Variants in NDST4 observed in about 807,000 individuals in gnomAD.
NDST4 encodes the protein N-heparan sulfate sulfotransferase 4.
NDST4 carries 63 observed loss-of-function variants against 100.8 expected under a neutral mutation model. The observed-to-expected ratio is 0.62, with a 90% CI of 0.51 to 0.77. NDST4 has a LOEUF of 0.77. Ranked by LOEUF, NDST4 falls within the 30% of genes least tolerant of loss-of-function variation. The probability of loss-of-function intolerance (pLI) is 0.00; values close to 1 mark genes in which losing one functional copy is unlikely to be tolerated. For missense variants in NDST4, 943 were observed against 1,018.4 expected (o/e 0.93, Z 1.01); for synonymous variants, 377 against 361.8 (o/e 1.04, Z -0.48).
intron 6 of NDST4, among the ~76,000 whole-genome samples, chr4:114,874,558 T>C (rs997792071): frequency 3.3e-5 from 5 of 152,194 alleles, no homozygotes; most frequent in African/African-American, 4.8e-5. Flanking sequence ...ATATGGTCAA[T>C]TGGTTGCACT....
chr4:114,866,126 A>G (rs1724021073), intron 7 of NDST4, among the ~76,000 whole-genome samples: 1 of 152,252 alleles, frequency 6.6e-6, no homozygotes, highest in Admixed American at 6.5e-5. Flanking sequence ...GTGCTATTAC[A>G]GAACTCCTAT....
intron 7 of NDST4, among the ~76,000 whole-genome samples, chr4:114,863,763 T>C (rs527764368): frequency 5.3e-5 from 8 of 152,328 alleles, no homozygotes; most frequent in African/African-American, 1.7e-4. Context: ...ATGGTTTGTA[T>C]TTGTGGAATA....
At chr4:114,842,131 C>G (rs1331010417) in intron 10 of NDST4, among the ~76,000 whole-genome samples, 1 of 152,166 alleles carries the variant, frequency 6.6e-6, no homozygotes, top group East Asian at 1.9e-4. Context: ...ATCATAACTT[C>G]AAGATTACCA....
At chr4:114,932,499 A>T (rs928803986) in intron 6 of NDST4, among the ~76,000 whole-genome samples, 7 of 151,996 alleles carry the variant, frequency 4.6e-5, no homozygotes, top group Non-Finnish European at 1.0e-4. Flanking sequence ...TAGCCAGAGA[A>T]ACTGGGCAAG....
At chr4:115,041,174 G>A (rs555717572) in intron 2 of NDST4, among the ~76,000 whole-genome samples, 51 of 152,162 alleles carry the variant, frequency 3.4e-4, no homozygotes, top group African/African-American at 1.2e-3. Flanking sequence ...CAGACGTTAA[G>A]TGTCTCCTTA....
rs1729198476 is a variant in NDST4 at position 115,076,897 on chromosome 4, G to A, written c.140C>T (p.Thr47Ile). ...GATGTCAGTGCATTCTGCTTCTGCAGTGGTTTCAATAAGTGTCATTTCCTG... is the reference window on the plus strand; with the variant it reads ...GATGTCAGTGCATTCTGCTTCTGCAATGGTTTCAATAAGTGTCATTTCCTG... ...YKQEMTLIET[T>I]AEAECTDIKI... The change falls in exon 2 of 14, where the codon ACT becomes ATT. Residue 47 changes from threonine to isoleucine, a missense_variant. Coordinates refer to ENST00000264363, the MANE Select transcript of NDST4 (RefSeq NM_022569.3). 2 of 1,613,686 alleles carry A rather than the reference G, an allele frequency of 1.2e-6. No homozygotes were observed. The highest frequency in any genetic ancestry group is 2.7e-5 in the African/African-American group (2 of 74,932).
chr4:114,911,589 A>G (rs1725063208), intron 6 of NDST4, among the ~76,000 whole-genome samples: 1 of 152,202 alleles, frequency 6.6e-6, no homozygotes, highest in African/African-American at 2.4e-5. Context: ...TAAAAACTGT[A>G]GAACAACTGA....
chr4:114,833,073 A>G (rs527561491), intron 12 of NDST4, among the ~76,000 whole-genome samples: 3 of 152,366 alleles, frequency 2.0e-5, no homozygotes, highest in Middle Eastern at 3.4e-3. Flanking sequence ...TTCCATGAGC[A>G]TAATAAAATA....
intron 6 of NDST4, among the ~76,000 whole-genome samples, chr4:114,925,451 C>G (rs1397337404): frequency 6.6e-6 from 1 of 152,112 alleles, no homozygotes; most frequent in African/African-American, 2.4e-5. Flanking sequence ...TGCCTTTTCT[C>G]TAACCTGTCT....
Position 115,059,522 on chromosome 4 carries a change from G to C in NDST4, c.978+16537C>G, listed in dbSNP as rs191119167. 4.6e-5 allele frequency among the ~76,000 whole-genome samples: 7 copies of C among 152,076 alleles called. No homozygotes were observed. In the East Asian group the frequency reaches 1.4e-3, roughly 29 times the overall value. On this transcript the variant is annotated intron_variant, in intron 2 of 13. Transcript: ENST00000264363. ...GAGAATAAATACAGATGTGCACTAA[G>C]AACCTACATCTGGGAAAATCTCAAA... is the stretch of plus-strand genomic sequence containing the variant.
chr4:114,865,327 T>C (rs1239318040), intron 7 of NDST4, among the ~76,000 whole-genome samples: 1 of 152,130 alleles, frequency 6.6e-6, no homozygotes. Context: ...CCTCCCAAAG[T>C]GCCGGGATTA....
At chr4:115,039,076 C>A (rs949708048) in intron 2 of NDST4, among the ~76,000 whole-genome samples, 2 of 150,562 alleles carry the variant, frequency 1.3e-5, no homozygotes, top group Admixed American at 6.6e-5. Context: ...AACTGAAAAT[C>A]GTGGACTATA....
intron 1 of NDST4, 26 bp from the exon 2 acceptor site, chr4:115,077,308 C>A: frequency 4.7e-6 from 1 of 211,812 alleles, no homozygotes; most frequent in Non-Finnish European, 9.3e-6. Context: ...GATGTAATAA[C>A]TAAGATAAAA....
At chr4:114,850,462 A>G (rs1227448614) in intron 8 of NDST4, among the ~76,000 whole-genome samples, 14 of 152,164 alleles carry the variant, frequency 9.2e-5, no homozygotes, top group African/African-American at 3.4e-4. Flanking sequence ...ATCAGCCATA[A>G]AATCTGGGCC....
chr4:115,038,755 C>T (rs1039087974), intron 2 of NDST4, among the ~76,000 whole-genome samples: 2 of 152,072 alleles, frequency 1.3e-5, no homozygotes, highest in African/African-American at 4.8e-5. Flanking sequence ...GAAGGCAGAC[C>T]ACTTGAGTCC....
At chr4:115,080,918 A>T (rs1729288848) in intron 1 of NDST4, among the ~76,000 whole-genome samples, 1 of 152,174 alleles carries the variant, frequency 6.6e-6, no homozygotes, top group East Asian at 1.9e-4. Context: ...TTAGTATTTT[A>T]GGAATAAATT....
intron 6 of NDST4, among the ~76,000 whole-genome samples, chr4:114,902,180 G>A (rs1724855795): frequency 1.3e-5 from 2 of 151,712 alleles, no homozygotes; most frequent in African/African-American, 4.8e-5. Flanking sequence ...CTCAAATTAT[G>A]TTCATTTCTT....
intron 2 of NDST4, among the ~76,000 whole-genome samples, chr4:114,996,848 CATGTGTTCA>C (rs1727176421): frequency 6.6e-6 from 1 of 151,920 alleles, no homozygotes; most frequent in Non-Finnish European, 1.5e-5. Context: ...ATTTCTTTTT[CATGTGTTCA>C]TAGGTGGCCT....
intron 2 of NDST4, among the ~76,000 whole-genome samples, chr4:115,021,842 C>CAT: frequency 6.6e-6 from 1 of 151,202 alleles, no homozygotes; most frequent in Non-Finnish European, 1.5e-5. Flanking sequence ...ATACACATTC[C>CAT]ATATATATAC....
Sources: allele counts gnomAD v4.1 joint callset (sites outside exome capture counted in the v4.1 genomes callset), GRCh38; gene constraint gnomAD v4.1.1; transcripts MANE v1.5; gene names NCBI Gene and HGNC (gene_info 2026-07-23, HGNC 2026-07-21).